Variants in C1orf21 observed in about 807,000 individuals in gnomAD.
C1orf21 encodes uncharacterized protein C1orf21.
Under a neutral mutation model 18.7 loss-of-function variants are expected in C1orf21, and 3 were observed. That is an observed-to-expected ratio of 0.16 (90% CI 0.07 to 0.42). C1orf21 has a LOEUF of 0.42. Among genes scored for constraint, C1orf21 ranks in the 10% least tolerant of loss-of-function variants. The pLI is 0.99. For synonymous variants in C1orf21, 41 were observed against 46.4 expected, an observed-to-expected ratio of 0.88 and a Z score of 0.47; for missense variants, 104 against 143.6, an observed-to-expected ratio of 0.72 and a Z score of 1.41.
At chr1:184,594,660 T>A (rs1263641185) in intron 4 of C1orf21, among the ~76,000 whole-genome samples, 1 of 152,194 alleles carries the variant, frequency 6.6e-6, no homozygotes, top group Admixed American at 6.5e-5. Context: ...ATTGTTCACA[T>A]GGGAGTTTCA....
intron 3 of C1orf21, among the ~76,000 whole-genome samples, chr1:184,589,970 C>T (rs998116334): frequency 1.3e-5 from 2 of 152,154 alleles, no homozygotes; most frequent in Non-Finnish European, 2.9e-5. Context: ...TGTATATAGT[C>T]ACCTGTTACA....
intron 1 of C1orf21, among the ~76,000 whole-genome samples, chr1:184,429,617 C>T (rs1022275951): frequency 4.6e-5 from 7 of 152,116 alleles, no homozygotes; most frequent in South Asian, 2.1e-4. Context: ...GGTACTTAGA[C>T]GGATCTGTTG....
At chr1:184,572,055 T>C (rs1659120476) in intron 3 of C1orf21, among the ~76,000 whole-genome samples, 2 of 152,236 alleles carry the variant, frequency 1.3e-5, no homozygotes, top group Admixed American at 1.3e-4. Context: ...GCATTTCATC[T>C]GCACTAACTC....
intron 1 of C1orf21, among the ~76,000 whole-genome samples, chr1:184,435,697 C>A (rs1656846415): frequency 6.6e-6 from 1 of 152,004 alleles, no homozygotes; most frequent in African/African-American, 2.4e-5. Flanking sequence ...CAAGGCCCTG[C>A]AAGTTTGAGG....
intron 2 of C1orf21, among the ~76,000 whole-genome samples, chr1:184,478,584 A>G (rs537419892): frequency 3.3e-5 from 5 of 152,350 alleles, no homozygotes; most frequent in South Asian, 4.1e-4. Flanking sequence ...TGTGGCCTCC[A>G]GTGAACTGCT....
At chr1:184,531,626 A>G (rs1408971576) in intron 3 of C1orf21, among the ~76,000 whole-genome samples, 1 of 152,198 alleles carries the variant, frequency 6.6e-6, no homozygotes, top group African/African-American at 2.4e-5. Flanking sequence ...CTTTTGGGCT[A>G]CATAACTTTC....
chr1:184,388,228 C>A (rs530227909), intron 1 of C1orf21, among the ~76,000 whole-genome samples: 3 of 152,260 alleles, frequency 2.0e-5, no homozygotes, highest in East Asian at 1.9e-4. Flanking sequence ...GTTCATTTCT[C>A]TTCTAAAGCT....
At chr1:184,521,902 A>G (rs1474266474) in intron 3 of C1orf21, among the ~76,000 whole-genome samples, 1 of 152,238 alleles carries the variant, frequency 6.6e-6, no homozygotes, top group African/African-American at 2.4e-5. Context: ...TTGGAAATCA[A>G]CGAAGACTGT....
intron 5 of C1orf21, among the ~76,000 whole-genome samples, chr1:184,610,662 C>G (rs748420989): frequency 6.6e-6 from 1 of 152,122 alleles, no homozygotes; most frequent in South Asian, 2.1e-4. Context: ...CTGGCTAACA[C>G]GATGAAATCC....
intron 3 of C1orf21, among the ~76,000 whole-genome samples, chr1:184,559,464 T>C: frequency 6.6e-6 from 1 of 150,666 alleles, no homozygotes; most frequent in Admixed American, 6.6e-5. Context: ...CATCTTTCTT[T>C]CTCTCCTTTC....
At chr1:184,609,541 T>C (rs1480104286) in intron 5 of C1orf21, among the ~76,000 whole-genome samples, 2 of 151,876 alleles carry the variant, frequency 1.3e-5, no homozygotes, top group African/African-American at 2.4e-5. Flanking sequence ...CTGGGGGAGG[T>C]GTGTGAGGCT....
At chr1:184,586,285 C>CTT (rs59964534) in intron 3 of C1orf21, among the ~76,000 whole-genome samples, 13,679 of 128,410 alleles carry the variant, frequency 0.11, 1,107 homozygotes, top group African/African-American at 0.16. Context: ...CTTTTGTCCA[C>CTT]TTTTTTTTTT....
chr1:184,468,444 G>A (rs2101986918), intron 1 of C1orf21, among the ~76,000 whole-genome samples: 1 of 152,180 alleles, frequency 6.6e-6, no homozygotes, highest in Middle Eastern at 3.4e-3. Flanking sequence ...AGGGAAGAGG[G>A]ATATGTATGT....
At chr1:184,586,994 T>C (rs1253693352) in intron 3 of C1orf21, among the ~76,000 whole-genome samples, 1 of 152,224 alleles carries the variant, frequency 6.6e-6, no homozygotes, top group Non-Finnish European at 1.5e-5. Context: ...TTCAAGCTTC[T>C]GCATATGGCT....
chr1:184,415,783 A>G (rs745474719), intron 1 of C1orf21, among the ~76,000 whole-genome samples: 2 of 152,206 alleles, frequency 1.3e-5, no homozygotes, highest in Non-Finnish European at 2.9e-5. Flanking sequence ...TGAATGTGCA[A>G]ATCGAAGATT....
At chr1:184,578,105 T>G (rs942733291) in intron 3 of C1orf21, among the ~76,000 whole-genome samples, 1 of 152,014 alleles carries the variant, frequency 6.6e-6, no homozygotes, top group Non-Finnish European at 1.5e-5. Context: ...TACAGGCGCC[T>G]GCCACCATGC....
intron 3 of C1orf21, among the ~76,000 whole-genome samples, chr1:184,508,167 C>T (rs2101964192): frequency 6.6e-6 from 1 of 152,204 alleles, no homozygotes; most frequent in South Asian, 2.1e-4. Context: ...ACTTCACATT[C>T]ACAATATTAA....
chr1:184,512,837 G>A (rs1014116262), intron 3 of C1orf21, among the ~76,000 whole-genome samples: 13 of 151,880 alleles, frequency 8.6e-5, no homozygotes, highest in African/African-American at 3.1e-4. Context: ...TAGAAACCAG[G>A]CCACACGGCA....
chr1:184,511,279 A>G lies in C1orf21; in HGVS notation c.189+3597A>G, dbSNP rs543470259. ...CAGTAACAGAACTTCACCTGTTACT[A>G]CTAGATTCTTAGACAGTCAGATTAT... On this transcript the variant is annotated intron_variant, in intron 3 of 5. Transcript: ENST00000235307. Among the ~76,000 whole-genome samples the G allele has an allele frequency of 1.2e-4, 18 of 152,326 alleles. No individual in the cohort carries two copies. The South Asian group carries it at 2.5e-3, about 21-fold the overall frequency.
Sources: gnomAD v4.1 joint callset for allele counts (sites outside exome capture counted in the v4.1 genomes callset) on GRCh38, gnomAD v4.1.1 for gene constraint, MANE v1.5 for transcripts, NCBI Gene and HGNC (gene_info 2026-07-23, HGNC 2026-07-21) for gene names.